CD109: variants seen among roughly 807,000 people sequenced by gnomAD.
CD109 encodes the protein CD109 molecule.
CD109 carries 149 observed loss-of-function variants against 165.8 expected under a neutral mutation model. That is an observed-to-expected ratio of 0.90 (90% CI 0.79 to 1.03). The LOEUF (loss-of-function observed/expected upper bound fraction) is 1.03. Among genes scored for constraint, CD109 ranks in the 50% least tolerant of loss-of-function variants. The pLI is 0.00. For synonymous variants in CD109, 585 were observed against 592.1 expected (o/e 0.99, Z 0.18); for missense variants, 1,712 against 1,677.8 (o/e 1.02, Z -0.36).
chr6:73,701,614 T>A (rs917240477), intron 2 of CD109, among the ~76,000 whole-genome samples: 2 of 152,258 alleles, frequency 1.3e-5, no homozygotes, highest in African/African-American at 4.8e-5. Context: ...CGTGATGTCC[T>A]TGAAACCATA....
intron 26 of CD109, among the ~76,000 whole-genome samples, chr6:73,808,806 GT>G (rs1181256087): frequency 0.025 from 31 of 1,218 alleles, no homozygotes; most frequent in Non-Finnish European, 0.084. Context: ...AGGGATCCAG[GT>G]GTGTGTGTGT....
Position 73,723,276 on chromosome 6 carries a change from A to C in CD109, c.273A>C (p.Pro91=). 1 of 1,611,126 alleles carries C rather than the reference A, an allele frequency of 6.2e-7. No individual in the cohort carries two copies. Residue 91 remains proline (P), a synonymous_variant, in exon 3 of 33, where the codon CCA becomes CCC. Transcript: ENST00000287097. ...EKGSFKTLTL[P]SLPLNSADEI... ...GCTCTTTTAAGACACTTACTCTTCC[A>C]TCAGTAAGTATCCATTTAAAAAATT...
chr6:73,752,293 T>C (rs1773221651), intron 5 of CD109, among the ~76,000 whole-genome samples: 1 of 152,162 alleles, frequency 6.6e-6, no homozygotes, highest in African/African-American at 2.4e-5. Context: ...AAATAGAAAC[T>C]CAAGAGTTGG....
intron 32 of CD109, among the ~76,000 whole-genome samples, chr6:73,822,438 C>T (rs1166027434): frequency 6.6e-6 from 1 of 152,192 alleles, no homozygotes. Context: ...CAAGCCAGTT[C>T]CTCTTGTCTT....
chr6:73,712,208 C>CAA (rs3045855), intron 2 of CD109, among the ~76,000 whole-genome samples: 20 of 151,558 alleles, frequency 1.3e-4, no homozygotes, highest in East Asian at 3.9e-4. Context: ...GACTCCGTCT[C>CAA]AAAAAAAAAA....
In CD109 at chr6:73,787,414, A is replaced by G. The variant is rs774663205; in HGVS notation, c.2518A>G (p.Thr840Ala). Residue 840 changes from threonine to alanine, a missense_variant, in exon 21 of 33, where the codon ACT becomes GCT. Thr to Ala is a moderately conservative substitution (Grantham distance 58, BLOSUM62 0). Transcript: ENST00000287097. Reference sequence around the variant, plus strand: ...TATCACAGTCACAGCTCTTTCACCCACTGCTTCTGATGCTGTCACCCAGAT... The same window carrying G: ...TATCACAGTCACAGCTCTTTCACCCGCTGCTTCTGATGCTGTCACCCAGAT... ...IPITVTALSPTASDAVTQMIL... is the reference protein window; with the variant it reads ...IPITVTALSPAASDAVTQMIL... 6.2e-7 allele frequency: 1 copy of G among 1,613,894 alleles called. No individual in the cohort carries two copies. The highest frequency in any genetic ancestry group is 8.5e-7 in the Non-Finnish European group (1 of 1,179,832).
chr6:73,804,580 G>A (rs1334542799), intron 24 of CD109, among the ~76,000 whole-genome samples: 2 of 152,148 alleles, frequency 1.3e-5, no homozygotes, highest in Admixed American at 6.5e-5. Flanking sequence ...ACATAAACAG[G>A]CCCTGGGCTG....
intron 5 of CD109, among the ~76,000 whole-genome samples, chr6:73,741,052 T>C (rs2351311): frequency 0.55 from 83,219 of 151,880 alleles, 23,756 homozygotes; most frequent in African/African-American, 0.72. Flanking sequence ...TCTGTCATTG[T>C]TCAGCATATG....
At chr6:73,779,381 T>C (rs1182265058) in intron 15 of CD109, among the ~76,000 whole-genome samples, 1 of 152,008 alleles carries the variant, frequency 6.6e-6, no homozygotes, top group African/African-American at 2.4e-5. Context: ...CCCGAGTAGT[T>C]GGGACTACAG....
Position 73,809,970 on chromosome 6 carries a change from C to A in CD109, c.3356-14C>A. 1 of 1,576,320 alleles carries A rather than the reference C, an allele frequency of 6.3e-7. No individual in the cohort carries two copies. Among genetic ancestry groups the A allele is most frequent in the African/African-American group, 1.4e-5 (1 of 72,572 alleles). ...TGGATAATTGATCAGAATGTTATTA[C>A]TTTTCTCTTGCAGGTGGCATGCAAT... is the stretch of plus-strand genomic sequence containing the variant. On this transcript the variant is annotated splice_polypyrimidine_tract_variant and intron_variant, in intron 26 of 32. Transcript: ENST00000287097.
At chr6:73,708,005 TA>T (rs1771361047) in intron 2 of CD109, among the ~76,000 whole-genome samples, 8 of 118,512 alleles carry the variant, frequency 6.8e-5, no homozygotes, top group African/African-American at 2.2e-4. Context: ...TATATATATA[TA>T]TATTTATTAT....
intron 5 of CD109, among the ~76,000 whole-genome samples, chr6:73,755,072 C>A (rs578146430): frequency 6.6e-6 from 1 of 152,270 alleles, no homozygotes; most frequent in East Asian, 1.9e-4. Context: ...AGTAATAAAG[C>A]AAAAACTAAC....
Position 73,757,846 on chromosome 6 carries a change from G to C in CD109, c.674-1098G>C, listed in dbSNP as rs542482429. On this transcript the variant is annotated intron_variant, in intron 6 of 32. Coordinates refer to ENST00000287097, the MANE Select transcript of CD109 (RefSeq NM_133493.5). ...CTAGAAATGAAAAATTACACATATG[G>C]CTCCCATTTTATGTCTTTTAGACAG... is the stretch of plus-strand genomic sequence containing the variant. Among the ~76,000 whole-genome samples the C allele has an allele frequency of 5.3e-5, 8 of 152,038 alleles. No homozygotes were observed. In the South Asian group the frequency reaches 1.7e-3, roughly 32 times the overall value.
intron 11 of CD109, 40 bp downstream of exon 11, chr6:73,766,194 C>G: frequency 6.8e-6 from 10 of 1,473,322 alleles, no homozygotes; most frequent in Non-Finnish European, 9.5e-6. Flanking sequence ...TGCAACAACA[C>G]CATTACAGTT....
chr6:73,768,079 G>A lies in CD109; in HGVS notation c.1522G>A (p.Ala508Thr), dbSNP rs1562056325. ...YMVVSRGQLV[A>T]VGKQNSTMFS... ...GGTAGTATCCAGGGGACAGTTGGTG[G>A]CTGTAGGAAAACAAAATTCAACAAT... Residue 508 changes from alanine (A) to threonine (T), a missense_variant, in exon 14 of 33, where the codon GCT becomes ACT. By Grantham distance (58) the Ala-to-Thr change is moderately conservative. Coordinates refer to ENST00000287097, the MANE Select transcript of CD109 (RefSeq NM_133493.5). 1.2e-6 allele frequency: 2 copies of A among 1,613,442 alleles called. No homozygotes were observed. The highest frequency in any genetic ancestry group is 1.7e-6 in the Non-Finnish European group (2 of 1,179,654).
At chr6:73,776,116 A>C (rs571621522) in intron 15 of CD109, among the ~76,000 whole-genome samples, 1 of 152,352 alleles carries the variant, frequency 6.6e-6, no homozygotes, top group Non-Finnish European at 1.5e-5. Flanking sequence ...CAATGGCTGA[A>C]TTAATTAACA....
Position 73,823,624 on chromosome 6 carries a change from T to C in CD109, c.4329T>C (p.Leu1443=), listed in dbSNP as rs1052867375. 4.4e-6 allele frequency: 7 copies of C among 1,606,222 alleles called. No individual in the cohort carries two copies. Among genetic ancestry groups the C allele is most frequent in the Admixed American group, 1.7e-5 (1 of 59,740 alleles). The part of the protein sequence containing the change: ...FCFKLLYFME[L]WL ...TCAAGCTTCTGTACTTTATGGAACT[T>C]TGGCTGTGATTTATTTTTAAAGGAC... Residue 1443 remains leucine (L), a synonymous_variant, in exon 33 of 33, where the codon CTT becomes CTC. Transcript: ENST00000287097.
chr6:73,826,779 C>G lies in CD109; in HGVS notation c.*3146C>G, dbSNP rs1012415889. ...GTTACTTACATATGTAATACTGTAT[C>G]CTGCACGTGGAAATATTCAGAATTG... On this transcript the variant is annotated 3_prime_UTR_variant, in exon 33 of 33. Coordinates refer to ENST00000287097, the MANE Select transcript of CD109 (RefSeq NM_133493.5). 4.0e-5 allele frequency: 6 copies of G among 151,752 alleles called. No homozygotes were observed. Among genetic ancestry groups the G allele is most frequent in the African/African-American group, 1.5e-4 (6 of 41,316 alleles). The allele number at this position is 151,752 out of a possible 1,614,324, so 9.4% of individuals were successfully genotyped here.
At chr6:73,783,652 C>A (rs1774584371) in intron 18 of CD109, 55 bp from the exon 19 acceptor site, 1 of 1,046,474 alleles carries the variant, frequency 9.6e-7, no homozygotes, top group Non-Finnish European at 1.5e-6. Context: ...TGGCTTATTT[C>A]AAAATGTATC....
Sources: gnomAD v4.1 joint callset for allele counts (sites outside exome capture counted in the v4.1 genomes callset) on GRCh38, gnomAD v4.1.1 for gene constraint, MANE v1.5 for transcripts, NCBI Gene and HGNC (gene_info 2026-07-23, HGNC 2026-07-21) for gene names.